The following ATR variants were observed in gnomAD, a reference collection of about 807,000 sequenced individuals.
ATR encodes serine/threonine-protein kinase ATR.
Under a neutral mutation model 305.3 loss-of-function variants are expected in ATR, and 142 were observed. The ratio of observed to expected loss-of-function variants is 0.47; its 90% CI spans 0.41 to 0.53. ATR has a LOEUF of 0.53. Among genes scored for constraint, ATR ranks in the 20% least tolerant of loss-of-function variants. The pLI is 0.00. For synonymous variants in ATR, 1,050 were observed against 1,068.1 expected, an observed-to-expected ratio of 0.98 and a Z score of 0.33; for missense variants, 2,135 against 3,133.1, an observed-to-expected ratio of 0.68 and a Z score of 7.60.
intron 45 of ATR, 131 bp downstream of exon 45, chr3:142,457,473 C>CATAAAGCTATTATTTA (rs2108257140): frequency 9.5e-7 from 1 of 1,053,208 alleles, no homozygotes; most frequent in African/African-American, 1.6e-5. Context: ...ATTATATCTG[C>CATAAAGCTATTATTTA]ATAAAGCTAT....
intron 21 of ATR, among the ~76,000 whole-genome samples, chr3:142,525,330 A>G (rs2033328798): frequency 6.6e-6 from 1 of 151,866 alleles, no homozygotes; most frequent in Admixed American, 6.6e-5. Context: ...TTGGGCTACT[A>G]TATTCTCATA....
intron 36 of ATR, among the ~76,000 whole-genome samples, chr3:142,479,065 C>T (rs569077499): frequency 1.1e-3 from 174 of 152,232 alleles, no homozygotes; most frequent in African/African-American, 4.0e-3. Flanking sequence ...TGTCTTTTAA[C>T]TGGAGCATTT....
At chr3:142,474,524 C>A (rs1165515800) in intron 36 of ATR, among the ~76,000 whole-genome samples, 1 of 152,088 alleles carries the variant, frequency 6.6e-6, no homozygotes, top group African/African-American at 2.4e-5. Flanking sequence ...AATTTATCTG[C>A]AAGTACTCTG....
At chr3:142,471,629 A>G (rs891240315) in intron 36 of ATR, among the ~76,000 whole-genome samples, 1 of 152,204 alleles carries the variant, frequency 6.6e-6, no homozygotes, top group African/African-American at 2.4e-5. Context: ...ATTTAAATCA[A>G]CAAATAAAAA....
intron 21 of ATR, among the ~76,000 whole-genome samples, chr3:142,526,519 T>C (rs1245820809): frequency 6.6e-6 from 1 of 151,884 alleles, no homozygotes; most frequent in Non-Finnish European, 1.5e-5. Context: ...GTACTATGTA[T>C]ATATATACAT....
intron 41 of ATR, among the ~76,000 whole-genome samples, chr3:142,463,794 A>G (rs1310690596): frequency 6.6e-6 from 1 of 152,230 alleles, no homozygotes; most frequent in Non-Finnish European, 1.5e-5. Flanking sequence ...CAAGCAGACT[A>G]TAACTTTTTT....
chr3:142,477,456 T>C (rs530782949), intron 36 of ATR, among the ~76,000 whole-genome samples: 69 of 152,294 alleles, frequency 4.5e-4, no homozygotes, highest in African/African-American at 1.5e-3. Flanking sequence ...TTCATCATGG[T>C]GGATAAGCTT....
intron 35 of ATR, among the ~76,000 whole-genome samples, chr3:142,488,574 C>T (rs910408508): frequency 6.6e-6 from 1 of 152,140 alleles, no homozygotes; most frequent in Non-Finnish European, 1.5e-5. Context: ...AGATAGTTAA[C>T]AGTATTGTTT....
intron 28 of ATR, among the ~76,000 whole-genome samples, chr3:142,506,458 C>G (rs549261706): frequency 6.6e-6 from 1 of 152,106 alleles, no homozygotes; most frequent in African/African-American, 2.4e-5. Flanking sequence ...CTTTGAGAGG[C>G]CAAGGCAGGC....
chr3:142,463,400 T>G (rs893369335), intron 41 of ATR, among the ~76,000 whole-genome samples: 4 of 152,146 alleles, frequency 2.6e-5, no homozygotes, highest in South Asian at 2.1e-4. Context: ...ACAATACTTT[T>G]TTGTTGTTGT....
chr3:142,573,755 T>A (rs2035350190), intron 1 of ATR, among the ~76,000 whole-genome samples: 1 of 152,252 alleles, frequency 6.6e-6, no homozygotes, highest in South Asian at 2.1e-4. Flanking sequence ...TTTTACATTC[T>A]TTTTTCTGGT....
At chr3:142,552,135 A>C (rs2108460028) in intron 13 of ATR, among the ~76,000 whole-genome samples, 1 of 152,310 alleles carries the variant, frequency 6.6e-6, no homozygotes, top group Non-Finnish European at 1.5e-5. Context: ...AAAAAGTCAA[A>C]AAACAGATAC....
chr3:142,478,638 A>G (rs2030117936), intron 36 of ATR, among the ~76,000 whole-genome samples: 1 of 151,960 alleles, frequency 6.6e-6, no homozygotes, highest in Admixed American at 6.6e-5. Context: ...CAATTCCTGG[A>G]TATTCTTGTT....
chr3:142,528,879 A>AT (rs1170239080), intron 21 of ATR, among the ~76,000 whole-genome samples: 338 of 30,494 alleles, frequency 0.011, 29 homozygotes, highest in African/African-American at 0.015. Context: ...ATATATATAT[A>AT]TTTTTTTTTT....
chr3:142,549,498 C>T lies in ATR; in HGVS notation c.3152G>A (p.Arg1051His), dbSNP rs770645649. The T allele has an allele frequency of 1.8e-5, 28 of 1,597,624 alleles. No homozygotes were observed. The highest frequency in any genetic ancestry group is 5.4e-5 in the African/African-American group (4 of 74,280). Residue 1051 changes from arginine (R) to histidine (H), a missense_variant, in exon 15 of 47, where the codon CGT becomes CAT. Transcript: ENST00000350721. Reference protein sequence around the residue: ...VCSCSKDELERALHYLKNETE... With the variant: ...VCSCSKDELEHALHYLKNETE... The stretch of plus-strand genomic sequence containing the variant: ...AATTACCTTCAGATAATGAAGGGCA[C>T]GTTCTAATTCATCTTTGGAACAAGA...
At chr3:142,526,172 CAT>C (rs2033380802) in intron 21 of ATR, among the ~76,000 whole-genome samples, 1 of 152,036 alleles carries the variant, frequency 6.6e-6, no homozygotes, top group Admixed American at 6.6e-5. Context: ...TACCACTTGT[CAT>C]ATGAAAATTA....
intron 34 of ATR, 73 bp downstream of exon 34, chr3:142,496,288 A>ATCTATATC (rs2031607662): frequency 1.2e-4 from 3 of 24,182 alleles, no homozygotes; most frequent in African/African-American, 8.8e-4. Context: ...CTATATATAT[A>ATCTATATC]TATATATATA....
chr3:142,522,662 A>G (rs538027783), intron 23 of ATR, 66 bp downstream of exon 23: 2 of 1,311,938 alleles, frequency 1.5e-6, no homozygotes, highest in Non-Finnish European at 2.2e-6. Flanking sequence ...TCACAAGTAT[A>G]GAATTTACAA....
chr3:142,450,181 T>A, intron 46 of ATR: 1 of 434,998 alleles, frequency 2.3e-6, no homozygotes, highest in Non-Finnish European at 4.4e-6. Flanking sequence ...TGCCATCGAC[T>A]TTTCCGCCAA....
Sources: gnomAD v4.1 joint callset for allele counts (sites outside exome capture counted in the v4.1 genomes callset) on GRCh38, gnomAD v4.1.1 for gene constraint, MANE v1.5 for transcripts, NCBI Gene and HGNC (gene_info 2026-07-23, HGNC 2026-07-21) for gene names.